SPATA17: variants seen among roughly 807,000 people sequenced by gnomAD.
SPATA17 encodes spermatogenesis associated 17.
A neutral mutation model predicts 62.2 loss-of-function variants in SPATA17; 53 were observed. The observed-to-expected ratio is 0.85, with a 90% CI of 0.68 to 1.07. The LOEUF is 1.07. SPATA17 is among the 50% of genes least tolerant of loss of function. The probability of loss-of-function intolerance (pLI) is 0.00; values close to 1 mark genes in which losing one functional copy is unlikely to be tolerated. For missense variants in SPATA17, 466 were observed against 425.5 expected, an observed-to-expected ratio of 1.10 and a Z score of -0.84; for synonymous variants, 146 against 146.8, an observed-to-expected ratio of 0.99 and a Z score of 0.04.
intron 5 of SPATA17, among the ~76,000 whole-genome samples, chr1:217,699,468 AC>A (rs1671542472): frequency 6.6e-6 from 1 of 152,048 alleles, no homozygotes; most frequent in African/African-American, 2.4e-5. Flanking sequence ...AAAGTTTAAT[AC>A]CTTTTCATGT....
At chr1:217,632,803 G>C (rs568761669) in intron 1 of SPATA17, among the ~76,000 whole-genome samples, 1 of 152,256 alleles carries the variant, frequency 6.6e-6, no homozygotes, top group Non-Finnish European at 1.5e-5. Context: ...TATTTATTTA[G>C]AGTATGTGGC....
At chr1:217,729,571 T>C (rs1415859823) in intron 5 of SPATA17, among the ~76,000 whole-genome samples, 4 of 152,212 alleles carry the variant, frequency 2.6e-5, no homozygotes, top group South Asian at 2.1e-4. Context: ...TAATGTTAAC[T>C]GTAAGTGTAG....
At chr1:217,838,656 T>C (rs997856925) in intron 9 of SPATA17, among the ~76,000 whole-genome samples, 2 of 152,108 alleles carry the variant, frequency 1.3e-5, no homozygotes, top group African/African-American at 4.8e-5. Context: ...AAGAAATCAC[T>C]TTTGTTCTAA....
At chr1:217,789,275 A>G (rs762612651) in intron 8 of SPATA17, among the ~76,000 whole-genome samples, 7 of 152,182 alleles carry the variant, frequency 4.6e-5, no homozygotes, top group Non-Finnish European at 7.3e-5. Flanking sequence ...TAATAACTCT[A>G]TTTCTTGAGC....
At chr1:217,668,787 A>G (rs6692477) in intron 3 of SPATA17, among the ~76,000 whole-genome samples, 38,368 of 152,004 alleles carry the variant, frequency 0.25, 5,310 homozygotes, top group African/African-American at 0.36. Flanking sequence ...CAAACTCAGC[A>G]GAGAGCATTT....
At chr1:217,635,274 A>G (rs908415847) in intron 1 of SPATA17, among the ~76,000 whole-genome samples, 1 of 152,190 alleles carries the variant, frequency 6.6e-6, no homozygotes, top group Non-Finnish European at 1.5e-5. Context: ...GGAAGCCCTG[A>G]TGTCATGTGC....
At chr1:217,772,776 G>C (rs1673483134) in intron 6 of SPATA17, among the ~76,000 whole-genome samples, 1 of 152,166 alleles carries the variant, frequency 6.6e-6, no homozygotes, top group African/African-American at 2.4e-5. Context: ...AAAATACCTG[G>C]AACAGACTCT....
In SPATA17 at chr1:217,728,468, A is replaced by G. The variant is rs370281879; in HGVS notation, c.396-13507A>G. On this transcript the variant is annotated intron_variant, in intron 5 of 10. Transcript: ENST00000366933. ...CATAAAATAAAAACAGAGCTATTTC[A>G]TCGTTGATTGTTTGCTAAAAATCAA... Among the ~76,000 whole-genome samples the G allele has an allele frequency of 2.4e-4, 36 of 152,324 alleles. No individual in the cohort carries two copies. The South Asian group carries it at 6.2e-3, about 26-fold the overall frequency.
chr1:217,798,874 CTT>C (rs879820882), intron 8 of SPATA17, among the ~76,000 whole-genome samples: 65 of 139,940 alleles, frequency 4.6e-4, no homozygotes, highest in African/African-American at 1.3e-3. Flanking sequence ...TATTTTCTGT[CTT>C]TTTTTTTTTT....
chr1:217,807,750 A>C (rs1674473166), intron 9 of SPATA17, among the ~76,000 whole-genome samples: 1 of 152,190 alleles, frequency 6.6e-6, no homozygotes, highest in Non-Finnish European at 1.5e-5. Context: ...CTGATTTCAA[A>C]ATATTTTTTA....
chr1:217,785,779 G>T (rs980206976), intron 8 of SPATA17, among the ~76,000 whole-genome samples: 2 of 152,110 alleles, frequency 1.3e-5, no homozygotes, highest in Non-Finnish European at 2.9e-5. Context: ...ATAATCACAG[G>T]CTGGTAGGTT....
chr1:217,633,894 C>A (rs1237859201), intron 1 of SPATA17, among the ~76,000 whole-genome samples: 1 of 152,190 alleles, frequency 6.6e-6, no homozygotes, highest in Non-Finnish European at 1.5e-5. Context: ...CCTGTGAGGC[C>A]TGGAAGTCCA....
chr1:217,656,260 G>C (rs185656173), intron 3 of SPATA17, among the ~76,000 whole-genome samples: 1 of 152,254 alleles, frequency 6.6e-6, no homozygotes, highest in East Asian at 1.9e-4. Flanking sequence ...CTTGGAATGT[G>C]TATTTATTTT....
At chr1:217,790,815 GT>G (rs1673980395) in intron 8 of SPATA17, among the ~76,000 whole-genome samples, 1 of 152,196 alleles carries the variant, frequency 6.6e-6, no homozygotes, top group Admixed American at 6.5e-5. Flanking sequence ...TGTGGGAAAG[GT>G]TAAGAAACAA....
intron 3 of SPATA17, among the ~76,000 whole-genome samples, chr1:217,654,818 T>C (rs1262172877): frequency 2.0e-5 from 3 of 151,530 alleles, no homozygotes; most frequent in Non-Finnish European, 4.4e-5. Flanking sequence ...GTTCAAGCGA[T>C]TCTCCTGCCT....
chr1:217,683,190 T>G, intron 4 of SPATA17, 68 bp from the exon 5 acceptor site: 1 of 1,078,014 alleles, frequency 9.3e-7, no homozygotes, highest in Admixed American at 2.3e-5. Flanking sequence ...ACCTTAATTT[T>G]GAAGTGCTAT....
chr1:217,780,570 G>A (rs1370191343), intron 7 of SPATA17, among the ~76,000 whole-genome samples: 2 of 152,052 alleles, frequency 1.3e-5, no homozygotes, highest in South Asian at 4.2e-4. Context: ...ATCAACAAAG[G>A]TTAGAAGGCA....
chr1:217,718,423 G>A (rs1453018117), intron 5 of SPATA17, among the ~76,000 whole-genome samples: 1 of 152,146 alleles, frequency 6.6e-6, no homozygotes, highest in South Asian at 2.1e-4. Context: ...AATAATGGAA[G>A]TAAACTAGCT....
chr1:217,851,141 C>T (rs1441892761), intron 9 of SPATA17, among the ~76,000 whole-genome samples: 1 of 152,016 alleles, frequency 6.6e-6, no homozygotes, highest in African/African-American at 2.4e-5. Context: ...GAATATTCTT[C>T]AGTGTGGTGT....
Sources: allele counts gnomAD v4.1 joint callset (sites outside exome capture counted in the v4.1 genomes callset), GRCh38; gene constraint gnomAD v4.1.1; transcripts MANE v1.5; gene names NCBI Gene and HGNC (gene_info 2026-07-23, HGNC 2026-07-21).